RPTOR: variants seen among roughly 807,000 people sequenced by gnomAD.
RPTOR encodes the protein regulatory associated protein of MTOR complex 1, also known as regulatory-associated protein of mTOR.
Under a neutral mutation model 169.9 loss-of-function variants are expected in RPTOR, and 21 were observed. The ratio of observed to expected loss-of-function variants is 0.12; its 90% CI spans 0.09 to 0.18. The LOEUF (loss-of-function observed/expected upper bound fraction) is 0.18. Among genes scored for constraint, RPTOR ranks in the 10% least tolerant of loss-of-function variants. The pLI is 1.00. For missense variants in RPTOR, 1,133 were observed against 1,855.9 expected, an observed-to-expected ratio of 0.61 and a Z score of 7.16; for synonymous variants, 732 against 753.2, an observed-to-expected ratio of 0.97 and a Z score of 0.46.
intron 1 of RPTOR, among the ~76,000 whole-genome samples, chr17:80,586,250 A>G (rs1390880050): frequency 2.0e-5 from 3 of 152,098 alleles, no homozygotes; most frequent in Non-Finnish European, 4.4e-5. Flanking sequence ...TTTTCTCTGA[A>G]ATTGAGCCTG....
At chr17:80,767,231 C>G (rs12943552) in intron 6 of RPTOR, among the ~76,000 whole-genome samples, 3 of 151,942 alleles carry the variant, frequency 2.0e-5, no homozygotes, top group Non-Finnish European at 4.4e-5. Flanking sequence ...ATTACTCGTG[C>G]GTGGTGGCAT....
chr17:80,683,441 C>G lies in RPTOR; in HGVS notation c.349-24400C>G, dbSNP rs571307288. 2.0e-5 allele frequency among the ~76,000 whole-genome samples: 3 copies of G among 152,250 alleles called. No individual in the cohort carries two copies. In the East Asian group the frequency reaches 5.8e-4, roughly 29 times the overall value. ...ATTTTGACCTTGATTAAGATGGCGT[C>G]CCCACATTTCTCCGCTGCGGAGTTG... On this transcript the variant is annotated intron_variant, in intron 3 of 33. Coordinates refer to ENST00000306801, the MANE Select transcript of RPTOR (RefSeq NM_020761.3).
In RPTOR at chr17:80,960,123, G is replaced by A; in HGVS notation, c.3523G>A (p.Asp1175Asn). The A allele has an allele frequency of 6.2e-7, 1 of 1,613,678 alleles. No individual in the cohort carries two copies. Among genetic ancestry groups the A allele is most frequent in the Non-Finnish European group, 8.5e-7 (1 of 1,179,998 alleles). The change falls in exon 30 of 34, where the codon GAT becomes AAT. Residue 1175 changes from aspartate to asparagine, a missense_variant. Physicochemically the swap from Asp to Asn is conservative, Grantham distance 23. Transcript: ENST00000306801. The surrounding 1 kb of genome is among the most constrained non-coding windows in gnomAD (Gnocchi z 4.8). ...ADSCVTSLSCDSHRSLIVAGL... is the reference protein window; with the variant it reads ...ADSCVTSLSCNSHRSLIVAGL... ...CAGCTGTGTGACGAGTCTGTCCTGT[G>A]ATTCCCACCGCTCACTCATCGTGGC...
chr17:80,691,399 A>T (rs9907193), intron 3 of RPTOR, among the ~76,000 whole-genome samples: 40,557 of 148,116 alleles, frequency 0.27, 7,528 homozygotes, highest in African/African-American at 0.55. Context: ...TTCTCACTGC[A>T]TCTCTCAAAG....
chr17:80,826,780 C>T (rs1224284132), intron 9 of RPTOR, among the ~76,000 whole-genome samples: 1 of 152,258 alleles, frequency 6.6e-6, no homozygotes, highest in Non-Finnish European at 1.5e-5. Context: ...GTGCCGTCAC[C>T]GCTGGCCACT....
chr17:80,928,406 G>C (rs2068837710), intron 24 of RPTOR, among the ~76,000 whole-genome samples: 2 of 152,232 alleles, frequency 1.3e-5, no homozygotes, highest in South Asian at 4.1e-4. Flanking sequence ...TCTAAGGCTA[G>C]GATTGAACCT....
chr17:80,580,584 A>T (rs1379143573), intron 1 of RPTOR, among the ~76,000 whole-genome samples: 1 of 152,096 alleles, frequency 6.6e-6, no homozygotes, highest in Non-Finnish European at 1.5e-5. Context: ...CCCTTCGTCC[A>T]CTTGTAAGTA....
intron 3 of RPTOR, among the ~76,000 whole-genome samples, chr17:80,690,305 C>T (rs2065979883): frequency 6.7e-6 from 1 of 148,432 alleles, no homozygotes; most frequent in African/African-American, 2.5e-5. Context: ...TTTACTTTCT[C>T]TAAAGATAAG....
At chr17:80,832,280 C>T (rs1567937167) in intron 9 of RPTOR, among the ~76,000 whole-genome samples, 3 of 152,210 alleles carry the variant, frequency 2.0e-5, no homozygotes, top group South Asian at 2.1e-4. Context: ...AGGGTGCAGG[C>T]GGCTCCTGTC....
intron 12 of RPTOR, among the ~76,000 whole-genome samples, chr17:80,857,542 T>A (rs1186241995): frequency 6.6e-6 from 1 of 152,238 alleles, no homozygotes; most frequent in Non-Finnish European, 1.5e-5. Flanking sequence ...AAGGAAAAGC[T>A]GCCACCCGAT....
chr17:80,599,607 GC>G (rs969350903), intron 1 of RPTOR, among the ~76,000 whole-genome samples: 6 of 152,180 alleles, frequency 3.9e-5, no homozygotes, highest in African/African-American at 1.2e-4. Flanking sequence ...TAGTATTTTA[GC>G]CTGTGGGTGG....
Position 80,651,500 on chromosome 17 carries a change from C to A in RPTOR, c.348+7690C>A, listed in dbSNP as rs1438529519. 6.6e-6 allele frequency among the ~76,000 whole-genome samples: 1 copy of A among 151,950 alleles called. No individual in the cohort carries two copies. The highest frequency in any genetic ancestry group is 1.9e-4 in the East Asian group (1 of 5,182). Reference sequence around the variant, plus strand: ...TTCTGTACAGCTCCCTCCCAAATGTCCGCGATTTACTTGTTGGTATGACAC... The same window carrying A: ...TTCTGTACAGCTCCCTCCCAAATGTACGCGATTTACTTGTTGGTATGACAC... On this transcript the variant is annotated intron_variant, in intron 3 of 33. Transcript: ENST00000306801. This position sits in a 1 kb window ranked among gnomAD's most constrained non-coding sequence, Gnocchi z 4.1.
chr17:80,761,477 C>T (rs906722503), intron 6 of RPTOR, among the ~76,000 whole-genome samples: 3 of 152,258 alleles, frequency 2.0e-5, no homozygotes, highest in South Asian at 2.1e-4. Context: ...CCGCAGGAGA[C>T]GGAAGATGCA....
At chr17:80,944,561 A>T (rs2069074581) in intron 25 of RPTOR, among the ~76,000 whole-genome samples, 1 of 152,194 alleles carries the variant, frequency 6.6e-6, no homozygotes, top group South Asian at 2.1e-4. Context: ...AAGAGCCCAG[A>T]TGTGCCTGCT....
intron 3 of RPTOR, among the ~76,000 whole-genome samples, chr17:80,654,369 C>T (rs963079866): frequency 6.6e-6 from 1 of 152,242 alleles, no homozygotes; most frequent in East Asian, 1.9e-4. Context: ...GTGCTCCCCT[C>T]GGTGGGCTCT....
chr17:80,785,939 A>C (rs4969424), intron 6 of RPTOR, among the ~76,000 whole-genome samples: 128,180 of 152,188 alleles, frequency 0.84, 54,717 homozygotes, highest in East Asian at 1. Flanking sequence ...TCGTGTGTTC[A>C]CCTTCTAACC....
chr17:80,726,005 GC>G lies in RPTOR; in HGVS notation c.508-4554del, dbSNP rs1040989039. Among the ~76,000 whole-genome samples, 131 of 152,280 alleles carry G rather than the reference GC, an allele frequency of 8.6e-4. No individual in the cohort carries two copies. Among genetic ancestry groups the G allele is most frequent in the African/African-American group, 3.1e-3 (128 of 41,556 alleles). On this transcript the variant is annotated intron_variant, in intron 4 of 33. Transcript: ENST00000306801. The surrounding 1 kb of genome is among the most constrained non-coding windows in gnomAD (Gnocchi z 4.5). Reference sequence around the variant, plus strand: ...ATTGTCACATCTAGGTGTGGGGGTGGCTGGGTGGTGCTGCGGAAGATTGTGT... The same window carrying G: ...ATTGTCACATCTAGGTGTGGGGGTGGTGGGTGGTGCTGCGGAAGATTGTGT...
Position 80,820,687 on chromosome 17 carries a change from T to C in RPTOR, c.891-1514T>C, listed in dbSNP as rs1339632470. Among the ~76,000 whole-genome samples, 1 of 152,206 alleles carries C rather than the reference T, an allele frequency of 6.6e-6. No individual in the cohort carries two copies. Among genetic ancestry groups the C allele is most frequent in the Non-Finnish European group, 1.5e-5 (1 of 68,028 alleles). On this transcript the variant is annotated intron_variant, in intron 7 of 33. Coordinates refer to ENST00000306801, the MANE Select transcript of RPTOR (RefSeq NM_020761.3). This position sits in a 1 kb window ranked among gnomAD's most constrained non-coding sequence, Gnocchi z 4.1. ...TTCCTCCTGCGCACAGTGGACATGC[T>C]TGTTCTGAAGCGAGAGCAGACTGGG...
chr17:80,606,837 C>T (rs929688266), intron 1 of RPTOR, among the ~76,000 whole-genome samples: 1 of 152,032 alleles, frequency 6.6e-6, no homozygotes, highest in East Asian at 1.9e-4. Flanking sequence ...TGTGAGTATC[C>T]GTTTAATTGC....
Sources: allele counts gnomAD v4.1 joint callset (sites outside exome capture counted in the v4.1 genomes callset), GRCh38; gene constraint gnomAD v4.1.1; non-coding constraint Gnocchi (gnomAD v3.1); transcripts MANE v1.5; gene names NCBI Gene and HGNC (gene_info 2026-07-23, HGNC 2026-07-21).